BRIP1: variants seen among roughly 807,000 people sequenced by gnomAD.
BRIP1 encodes BRCA1 interacting DNA helicase 1.
A neutral mutation model predicts 119.7 loss-of-function variants in BRIP1; 88 were observed. The ratio of observed to expected loss-of-function variants is 0.74; its 90% CI spans 0.62 to 0.88. The LOEUF (loss-of-function observed/expected upper bound fraction) is 0.88. BRIP1 is among the 40% of genes least tolerant of loss of function. BRIP1 has a pLI of 0.00. For missense variants in BRIP1, 1,259 were observed against 1,455.4 expected (o/e 0.87, Z 2.20); for synonymous variants, 443 against 496.5 (o/e 0.89, Z 1.43).
In BRIP1 at chr17:61,799,360, C is replaced by A; in HGVS notation, c.1141-61G>T. On this transcript the variant is annotated intron_variant, in intron 8 of 19. Coordinates refer to ENST00000259008, the MANE Select transcript of BRIP1 (RefSeq NM_032043.3). This position sits in a 1 kb window ranked among gnomAD's most constrained non-coding sequence, Gnocchi z 5.1. ...GCAAAATAGATTTAACAACAGCAGG[C>A]AAGATATTTCATTTTAAAATTCACA... 1 of 1,291,702 alleles carries A rather than the reference C, an allele frequency of 7.7e-7. No individual in the cohort carries two copies. The highest frequency in any genetic ancestry group is 1.2e-5 in the South Asian group (1 of 80,710). 80.0% of individuals were successfully genotyped at this position (1,291,702 alleles called of 1,614,324 possible).
chr17:61,782,913 G>C (rs559392324), intron 11 of BRIP1, among the ~76,000 whole-genome samples: 6 of 152,350 alleles, frequency 3.9e-5, no homozygotes, highest in Admixed American at 1.3e-4. Context: ...GCAAGGATGT[G>C]TAGAAATTGG....
At chr17:61,716,428 TA>T (rs2061864306) in intron 16 of BRIP1, among the ~76,000 whole-genome samples, 1 of 152,068 alleles carries the variant, frequency 6.6e-6, no homozygotes. Flanking sequence ...CCCTTTATAG[TA>T]AATTTCTTTC....
Position 61,852,204 on chromosome 17 carries a change from A to T in BRIP1, c.380-2948T>A, listed in dbSNP as rs1186273627. ...GTAACCCCAATTCATAAAAATAAAA[A>T]TCATATTATCATCACATACAAAAAG... On this transcript the variant is annotated intron_variant, in intron 4 of 19. Coordinates refer to ENST00000259008, the MANE Select transcript of BRIP1 (RefSeq NM_032043.3). This position sits in a 1 kb window ranked among gnomAD's most constrained non-coding sequence, Gnocchi z 4.9. 3.9e-5 allele frequency among the ~76,000 whole-genome samples: 6 copies of T among 152,198 alleles called. No individual in the cohort carries two copies. The highest frequency in any genetic ancestry group is 3.9e-4 in the Admixed American group (6 of 15,270).
rs73332529 is a variant in BRIP1, at chr17:61,829,240, A to T, written c.627+17861T>A. The stretch of plus-strand genomic sequence containing the variant: ...ACACAAATAGGTTAAAAATAAAAGG[A>T]TGAAAAATATATACTATGGAAACAT... On this transcript the variant is annotated intron_variant, in intron 6 of 19. Transcript: ENST00000259008. 3.7e-3 allele frequency among the ~76,000 whole-genome samples: 567 copies of T among 152,238 alleles called. 3 individuals carry two copies. Among genetic ancestry groups the T allele is most frequent in the African/African-American group, 0.013 (535 of 41,574 alleles).
chr17:61,774,711 C>T lies in BRIP1; in HGVS notation c.2097+1690G>A, dbSNP rs959075667. 2.0e-5 allele frequency among the ~76,000 whole-genome samples: 3 copies of T among 152,038 alleles called. No homozygotes were observed. Among genetic ancestry groups the T allele is most frequent in the African/African-American group, 4.8e-5 (2 of 41,390 alleles). On this transcript the variant is annotated intron_variant, in intron 14 of 19. Transcript: ENST00000259008. This position sits in a 1 kb window ranked among gnomAD's most constrained non-coding sequence, Gnocchi z 5.8. ...AAACTCAATTGGAACAAAGTATATTCGAAGGATTTCCTGTGTCTTTATTTT... is the reference window on the plus strand; with the variant it reads ...AAACTCAATTGGAACAAAGTATATTTGAAGGATTTCCTGTGTCTTTATTTT...
intron 17 of BRIP1, among the ~76,000 whole-genome samples, chr17:61,696,114 C>T (rs1333022654): frequency 2.6e-5 from 4 of 151,730 alleles, no homozygotes; most frequent in Admixed American, 2.0e-4. Context: ...TAATAGATGA[C>T]CTCATTAAAG....
rs2061998388 is a variant in BRIP1, at chr17:61,722,558, T to G, written c.2380-6495A>C. On this transcript the variant is annotated intron_variant, in intron 16 of 19. Transcript: ENST00000259008. The surrounding 1 kb of genome is among the most constrained non-coding windows in gnomAD (Gnocchi z 4.6). ...AATGTAACTAAAGCAGCTTCTCTTC[T>G]TTAACAATATTTTCCTCAAAGAAAG... Among the ~76,000 whole-genome samples the G allele has an allele frequency of 1.3e-5, 2 of 152,226 alleles. No homozygotes were observed. Among genetic ancestry groups the G allele is most frequent in the African/African-American group, 4.8e-5 (2 of 41,466 alleles).
chr17:61,726,699 A>G lies in BRIP1; in HGVS notation c.2380-10636T>C, dbSNP rs1272100032. On this transcript the variant is annotated intron_variant, in intron 16 of 19. Coordinates refer to ENST00000259008, the MANE Select transcript of BRIP1 (RefSeq NM_032043.3). The surrounding 1 kb of genome is among the most constrained non-coding windows in gnomAD (Gnocchi z 6.2). ...TTTGAAACAAATATTTTAAAAAATA[A>G]CTTCTACAATTGATCTTAAATTTTC... 6.6e-6 allele frequency among the ~76,000 whole-genome samples: 1 copy of G among 152,232 alleles called. No homozygotes were observed. Among genetic ancestry groups the G allele is most frequent in the East Asian group, 1.9e-4 (1 of 5,204 alleles).
rs564642668 is a variant in BRIP1 at position 61,719,180 on chromosome 17, C to A, written c.2380-3117G>T. On this transcript the variant is annotated intron_variant, in intron 16 of 19. Transcript: ENST00000259008. ...TCATTATATTGAAGAGACATTGCCC[C>A]CCCCCCATGTTTATTGCAGCACTAT... is the stretch of plus-strand genomic sequence containing the variant. 1.6e-4 allele frequency among the ~76,000 whole-genome samples: 24 copies of A among 145,732 alleles called. No homozygotes were observed. The South Asian group carries it at 5.5e-3, about 34-fold the overall frequency.
rs539391036 is a variant in BRIP1 at position 61,859,434 on chromosome 17, C to T, written c.205+362G>A. 5.9e-5 allele frequency among the ~76,000 whole-genome samples: 9 copies of T among 152,260 alleles called. No individual in the cohort carries two copies. The East Asian group carries it at 1.7e-3, about 29-fold the overall frequency. On this transcript the variant is annotated intron_variant, in intron 3 of 19. Transcript: ENST00000259008. ...GCAACCTCGACCTCCTGGGCTCAAG[C>T]GATCCTACCACCTCAGTCTCCCAAG...
chr17:61,696,327 G>A (rs1464051809), intron 17 of BRIP1, among the ~76,000 whole-genome samples: 1 of 151,818 alleles, frequency 6.6e-6, no homozygotes, highest in Non-Finnish European at 1.5e-5. Flanking sequence ...ATCTTACTTG[G>A]TCATGGTGTA....
At chr17:61,747,066 C>T (rs2077067413) in intron 14 of BRIP1, among the ~76,000 whole-genome samples, 1 of 151,964 alleles carries the variant, frequency 6.6e-6, no homozygotes, top group African/African-American at 2.4e-5. Flanking sequence ...AAAATTAACA[C>T]ACTTTTGAAC....
chr17:61,723,370 CAAAT>C (rs2062014187), intron 16 of BRIP1, among the ~76,000 whole-genome samples: 1 of 152,176 alleles, frequency 6.6e-6, no homozygotes, highest in Non-Finnish European at 1.5e-5. Context: ...GCTTTCCAAA[CAAAT>C]AGTTTCAATG....
At position 61,842,618 on chromosome 17, in the gene BRIP1, C is replaced by T. The variant is rs1235965444; in HGVS notation, c.627+4483G>A. 1.3e-5 allele frequency among the ~76,000 whole-genome samples: 2 copies of T among 152,068 alleles called. No homozygotes were observed. Among genetic ancestry groups the T allele is most frequent in the Non-Finnish European group, 1.5e-5 (1 of 68,016 alleles). ...AAACAAAAAATAAAGATCAGAACTA[C>T]AAATATGTAATATTATTAGTCGGTA... On this transcript the variant is annotated intron_variant, in intron 6 of 19. Coordinates refer to ENST00000259008, the MANE Select transcript of BRIP1 (RefSeq NM_032043.3). The surrounding 1 kb of genome is among the most constrained non-coding windows in gnomAD (Gnocchi z 5.1).
intron 17 of BRIP1, among the ~76,000 whole-genome samples, chr17:61,711,299 C>T (rs561756839): frequency 2.0e-5 from 3 of 151,964 alleles, no homozygotes; most frequent in East Asian, 1.9e-4. Context: ...ACTTATTTTC[C>T]GCAAATTGAG....
At position 61,796,119 on chromosome 17, in the gene BRIP1, G is replaced by C. The variant is rs530010965; in HGVS notation, c.1341-2390C>G. Among the ~76,000 whole-genome samples the C allele has an allele frequency of 1.1e-4, 16 of 152,126 alleles. No homozygotes were observed. The highest frequency in any genetic ancestry group is 3.6e-4 in the African/African-American group (15 of 41,538). ...TTAGATTATTAGATTTTTTCCTACAGAGTTGTTTGAGCTCCTTATATATTC... is the reference window on the plus strand; with the variant it reads ...TTAGATTATTAGATTTTTTCCTACACAGTTGTTTGAGCTCCTTATATATTC... On this transcript the variant is annotated intron_variant, in intron 9 of 19. Coordinates refer to ENST00000259008, the MANE Select transcript of BRIP1 (RefSeq NM_032043.3). The surrounding 1 kb of genome is among the most constrained non-coding windows in gnomAD (Gnocchi z 4.8).
intron 4 of BRIP1, among the ~76,000 whole-genome samples, chr17:61,854,522 C>T (rs2078866709): frequency 6.6e-6 from 1 of 151,884 alleles, no homozygotes; most frequent in Non-Finnish European, 1.5e-5. Flanking sequence ...GCCTGACCAA[C>T]GTGGTGAAAC....
chr17:61,797,800 G>A (rs1451701382), intron 9 of BRIP1, among the ~76,000 whole-genome samples: 7 of 151,780 alleles, frequency 4.6e-5, no homozygotes, highest in Non-Finnish European at 7.4e-5. Context: ...TGACACAAAA[G>A]GAAATATAAA....
Position 61,845,902 on chromosome 17 carries a change from T to G in BRIP1, c.627+1199A>C, listed in dbSNP as rs1367782239. 6.6e-6 allele frequency among the ~76,000 whole-genome samples: 1 copy of G among 152,204 alleles called. No homozygotes were observed. The highest frequency in any genetic ancestry group is 2.4e-5 in the African/African-American group (1 of 41,448). On this transcript the variant is annotated intron_variant, in intron 6 of 19. Coordinates refer to ENST00000259008, the MANE Select transcript of BRIP1 (RefSeq NM_032043.3). This position sits in a 1 kb window ranked among gnomAD's most constrained non-coding sequence, Gnocchi z 4.2. ...AACTGGTTTTTTTTCAAAACTGTGA[T>G]CTAATGATGCTGGAAAACTATTATT...
Sources: gnomAD v4.1 joint callset for allele counts (sites outside exome capture counted in the v4.1 genomes callset) on GRCh38, gnomAD v4.1.1 for gene constraint, Gnocchi (gnomAD v3.1) non-coding constraint, MANE v1.5 for transcripts, NCBI Gene and HGNC (gene_info 2026-07-23, HGNC 2026-07-21) for gene names.